The following CDH13 variants were observed in gnomAD, a reference collection of about 807,000 sequenced individuals.
The protein encoded by CDH13 is cadherin 13.
A neutral mutation model predicts 63.8 loss-of-function variants in CDH13; 24 were observed. The ratio of observed to expected loss-of-function variants is 0.38; its 90% CI spans 0.27 to 0.53. The LOEUF is 0.53. Among genes scored for constraint, CDH13 ranks in the 20% least tolerant of loss-of-function variants. The pLI, the probability that CDH13 is intolerant of heterozygous loss-of-function variation, is 0.85. For synonymous variants in CDH13, 503 were observed against 355.3 expected, an observed-to-expected ratio of 1.42 and a Z score of -4.67; for missense variants, 1,049 against 903.1, an observed-to-expected ratio of 1.16 and a Z score of -2.07.
chr16:83,643,878 A>G (rs567512299), intron 8 of CDH13, among the ~76,000 whole-genome samples: 2 of 152,280 alleles, frequency 1.3e-5, no homozygotes, highest in East Asian at 3.9e-4. Context: ...CTGTACAGCC[A>G]CCTACCCACG....
chr16:83,194,004 T>G (rs1393350821), intron 4 of CDH13, among the ~76,000 whole-genome samples: 1 of 152,218 alleles, frequency 6.6e-6, no homozygotes, highest in Non-Finnish European at 1.5e-5. Flanking sequence ...TCCGATGTTT[T>G]CATTAGAAAA....
At chr16:83,313,723 A>G (rs1235937568) in intron 5 of CDH13, among the ~76,000 whole-genome samples, 1 of 151,866 alleles carries the variant, frequency 6.6e-6, no homozygotes, top group East Asian at 1.9e-4. Context: ...GACAAAACCT[A>G]TAATGAATTA....
intron 5 of CDH13, among the ~76,000 whole-genome samples, chr16:83,315,355 T>G (rs1028417490): frequency 6.6e-6 from 1 of 152,226 alleles, no homozygotes; most frequent in Non-Finnish European, 1.5e-5. Flanking sequence ...ATATCTAGCT[T>G]GTACAGGAGG....
intron 5 of CDH13, among the ~76,000 whole-genome samples, chr16:83,222,031 T>C (rs1412754568): frequency 6.6e-6 from 1 of 152,168 alleles, no homozygotes; most frequent in African/African-American, 2.4e-5. Context: ...ATTTACAGTG[T>C]GCCAAGGCTC....
At chr16:83,080,057 A>C (rs1168330539) in intron 3 of CDH13, among the ~76,000 whole-genome samples, 2 of 152,192 alleles carry the variant, frequency 1.3e-5, no homozygotes, top group Non-Finnish European at 1.5e-5. Flanking sequence ...TGCCTCATCA[A>C]ATTTATTTTA....
chr16:83,608,203 C>A (rs1908524854), intron 8 of CDH13, among the ~76,000 whole-genome samples: 1 of 152,110 alleles, frequency 6.6e-6, no homozygotes, highest in South Asian at 2.1e-4. Context: ...GGTGTTTAAG[C>A]TATAACATTA....
intron 2 of CDH13, among the ~76,000 whole-genome samples, chr16:82,900,715 C>G (rs1009856598): frequency 1.3e-5 from 2 of 152,136 alleles, no homozygotes; most frequent in African/African-American, 4.8e-5. Context: ...GGTCAAGAGG[C>G]GAGCCTGGGA....
At chr16:83,498,661 G>C (rs1238925198) in intron 7 of CDH13, among the ~76,000 whole-genome samples, 4 of 152,172 alleles carry the variant, frequency 2.6e-5, no homozygotes, top group Admixed American at 2.6e-4. Context: ...ACCCCTATCA[G>C]CCCATCTCCA....
At chr16:82,754,389 C>T (rs1199860392) in intron 1 of CDH13, among the ~76,000 whole-genome samples, 3 of 152,084 alleles carry the variant, frequency 2.0e-5, no homozygotes, top group Non-Finnish European at 4.4e-5. Flanking sequence ...TTATTGTCTC[C>T]ATTTCATTTT....
intron 7 of CDH13, among the ~76,000 whole-genome samples, chr16:83,564,616 C>G (rs1232912894): frequency 2.0e-5 from 3 of 152,092 alleles, no homozygotes; most frequent in African/African-American, 7.2e-5. Context: ...ACCATGTTGG[C>G]CAGGCTGGTC....
intron 7 of CDH13, among the ~76,000 whole-genome samples, chr16:83,503,964 G>T (rs2074341195): frequency 6.6e-6 from 1 of 151,722 alleles, no homozygotes; most frequent in Non-Finnish European, 1.5e-5. Flanking sequence ...GGGGGTGGGG[G>T]GCAAGGGAAG....
At chr16:82,978,325 G>A (rs1453253993) in intron 2 of CDH13, among the ~76,000 whole-genome samples, 1 of 152,230 alleles carries the variant, frequency 6.6e-6, no homozygotes, top group Non-Finnish European at 1.5e-5. Flanking sequence ...CAAGGCTGTT[G>A]CAGAAATTTG....
At chr16:82,789,034 T>G (rs2036160231) in intron 1 of CDH13, among the ~76,000 whole-genome samples, 1 of 152,200 alleles carries the variant, frequency 6.6e-6, no homozygotes, top group African/African-American at 2.4e-5. Context: ...CAAAGGAGGT[T>G]GCTCTGATTG....
intron 11 of CDH13, among the ~76,000 whole-genome samples, chr16:83,769,026 C>G (rs894571248): frequency 6.6e-6 from 1 of 152,148 alleles, no homozygotes; most frequent in African/African-American, 2.4e-5. Context: ...ACCACAGGGT[C>G]ACAGAACGAG....
chr16:83,509,972 G>C (rs1271144027), intron 7 of CDH13, among the ~76,000 whole-genome samples: 1 of 152,176 alleles, frequency 6.6e-6, no homozygotes, highest in Non-Finnish European at 1.5e-5. Flanking sequence ...TGGTATTGTA[G>C]CCAGCGTACC....
chr16:83,184,581 C>T (rs1287645871), intron 4 of CDH13, among the ~76,000 whole-genome samples: 3 of 152,088 alleles, frequency 2.0e-5, no homozygotes, highest in Admixed American at 2.0e-4. Flanking sequence ...ATGGTGAAAC[C>T]TCTCCTCTAC....
rs1567492920 is a variant in CDH13 at position 83,191,464 on chromosome 16, T to TATAGATAG, written c.484-25878_484-25877insGATAGATA. The stretch of plus-strand genomic sequence containing the variant: ...AAGGACAGAACTAATAGGAAATATA[T>TATAGATAG]ATATATATATATATATATATATATG... On this transcript the variant is annotated intron_variant, in intron 4 of 13. Coordinates refer to ENST00000567109, the MANE Select transcript of CDH13 (RefSeq NM_001257.5). Among the ~76,000 whole-genome samples the TATAGATAG allele has an allele frequency of 3.2e-4, 30 of 92,508 alleles. No individual in the cohort carries two copies. The South Asian group carries it at 5.3e-3, about 16-fold the overall frequency. The allele number at this position is 92,508 out of a possible 152,430, so 60.7% of individuals were successfully genotyped here. A position where few individuals can be genotyped will look rare whatever the true frequency, so the allele number is the denominator to read the frequency against.
chr16:82,728,071 C>T (rs1485338389), intron 1 of CDH13, among the ~76,000 whole-genome samples: 1 of 152,108 alleles, frequency 6.6e-6, no homozygotes, highest in Non-Finnish European at 1.5e-5. Context: ...TGGAAAATGG[C>T]AGGGTAATAT....
chr16:83,585,596 T>C (rs890319443), intron 7 of CDH13, among the ~76,000 whole-genome samples: 2 of 54,376 alleles, frequency 3.7e-5, no homozygotes, highest in African/African-American at 1.5e-4. Flanking sequence ...TAGGAGACAG[T>C]TGGTAATGGA....
Sources: allele counts gnomAD v4.1 joint callset (sites outside exome capture counted in the v4.1 genomes callset), GRCh38; gene constraint gnomAD v4.1.1; transcripts MANE v1.5; gene names NCBI Gene and HGNC (gene_info 2026-07-23, HGNC 2026-07-21).